The following CAMTA1 variants were observed in gnomAD, a reference collection of about 807,000 sequenced individuals.
CAMTA1 encodes calmodulin-binding transcription activator 1.
A neutral mutation model predicts 170.9 loss-of-function variants in CAMTA1; 27 were observed. The observed-to-expected ratio is 0.16, with a 90% CI of 0.12 to 0.22. The LOEUF is 0.22. CAMTA1 is among the 10% of genes least tolerant of loss of function. CAMTA1 has a pLI of 1.00. For synonymous variants in CAMTA1, 833 were observed against 891.5 expected (o/e 0.93, Z 1.17); for missense variants, 1,619 against 2,217.2 (o/e 0.73, Z 5.42).
At chr1:7,504,236 C>T (rs1185087224) in intron 6 of CAMTA1, among the ~76,000 whole-genome samples, 1 of 152,192 alleles carries the variant, frequency 6.6e-6, no homozygotes, top group Admixed American at 6.5e-5. Flanking sequence ...CCCAGGAGGT[C>T]TCAGGTGACA....
chr1:6,878,199 G>A (rs180948665), intron 3 of CAMTA1, among the ~76,000 whole-genome samples: 116 of 152,320 alleles, frequency 7.6e-4, no homozygotes, highest in African/African-American at 2.7e-3. Flanking sequence ...AAGGGAATAG[G>A]TTGTCTTATA....
At chr1:7,625,085 T>C (rs779151810) in intron 6 of CAMTA1, among the ~76,000 whole-genome samples, 4 of 152,048 alleles carry the variant, frequency 2.6e-5, no homozygotes, top group Non-Finnish European at 4.4e-5. Flanking sequence ...ATGGAGGCCA[T>C]TGGGATCAGG....
intron 3 of CAMTA1, among the ~76,000 whole-genome samples, chr1:6,942,115 T>C (rs72638552): frequency 0.024 from 3,657 of 152,078 alleles, 66 homozygotes; most frequent in Middle Eastern, 0.038. Context: ...ACAAATGGTT[T>C]TCTGCACATT....
chr1:6,979,084 G>A (rs1008239343), intron 3 of CAMTA1, among the ~76,000 whole-genome samples: 1 of 152,218 alleles, frequency 6.6e-6, no homozygotes, highest in Non-Finnish European at 1.5e-5. Flanking sequence ...TGAGTTGTTG[G>A]TGTGGCTGGA....
At chr1:7,346,288 C>T (rs1030620548) in intron 5 of CAMTA1, among the ~76,000 whole-genome samples, 8 of 152,158 alleles carry the variant, frequency 5.3e-5, no homozygotes, top group African/African-American at 1.9e-4. Flanking sequence ...CCTCTCTGAT[C>T]CTCAGGTTAC....
chr1:7,031,387 T>C (rs1029589222), intron 3 of CAMTA1, among the ~76,000 whole-genome samples: 3 of 152,220 alleles, frequency 2.0e-5, no homozygotes, highest in Non-Finnish European at 4.4e-5. Flanking sequence ...TTTGTGATAT[T>C]AACATAGCCA....
At position 7,732,692 on chromosome 1, in the gene CAMTA1, T is replaced by C; in HGVS notation, c.3066+93T>C. The C allele has an allele frequency of 2.7e-6, 4 of 1,455,432 alleles. No homozygotes were observed. The highest frequency in any genetic ancestry group is 3.6e-6 in the Non-Finnish European group (4 of 1,097,640). The allele number at this position is 1,455,432 out of a possible 1,614,324, so 90.2% of individuals were successfully genotyped here. On this transcript the variant is annotated intron_variant, in intron 12 of 22. Coordinates refer to ENST00000303635, the MANE Select transcript of CAMTA1 (RefSeq NM_015215.4). This position sits in a 1 kb window ranked among gnomAD's most constrained non-coding sequence, Gnocchi z 4.1. ...GGATCACAGGCCTCTTCTCTGCTGC[T>C]GATGCGGTCCCTGTATTCAGGCAGA...
intron 4 of CAMTA1, among the ~76,000 whole-genome samples, chr1:7,111,885 C>CAAA (rs66460647): frequency 1.3e-5 from 1 of 75,664 alleles, no homozygotes; most frequent in East Asian, 4.7e-4. Flanking sequence ...ACTCCATCTC[C>CAAA]AAAAAAAAAA....
chr1:7,533,909 G>C (rs530333302), intron 6 of CAMTA1, among the ~76,000 whole-genome samples: 286 of 151,904 alleles, frequency 1.9e-3, no homozygotes, highest in African/African-American at 6.5e-3. Flanking sequence ...GCGAGACCTT[G>C]TCCCCCCAAA....
intron 5 of CAMTA1, among the ~76,000 whole-genome samples, chr1:7,314,340 C>T (rs145418081): frequency 2.4e-3 from 370 of 152,304 alleles, no homozygotes; most frequent in African/African-American, 8.5e-3. Context: ...AAGGCCACAG[C>T]TCCCAGTGTG....
At chr1:7,404,978 CTT>C (rs2090186321) in intron 5 of CAMTA1, among the ~76,000 whole-genome samples, 1 of 151,700 alleles carries the variant, frequency 6.6e-6, no homozygotes, top group Non-Finnish European at 1.5e-5. Context: ...ATAACAATGA[CTT>C]ATACAGTTGA....
intron 3 of CAMTA1, among the ~76,000 whole-genome samples, chr1:6,998,417 T>A (rs150361879): frequency 6.6e-6 from 1 of 152,340 alleles, no homozygotes; most frequent in Admixed American, 6.5e-5. Context: ...CCTGGAGCTC[T>A]GCGTGCTCTC....
At chr1:7,369,860 GGGC>G (rs1416077366) in intron 5 of CAMTA1, among the ~76,000 whole-genome samples, 1 of 152,184 alleles carries the variant, frequency 6.6e-6, no homozygotes, top group African/African-American at 2.4e-5. Flanking sequence ...TAGGAGCCCA[GGGC>G]ACAGCCCAGA....
intron 4 of CAMTA1, among the ~76,000 whole-genome samples, chr1:7,139,613 C>T (rs921245865): frequency 6.6e-6 from 1 of 152,104 alleles, no homozygotes. Context: ...TTTCCCTTTC[C>T]TCCTGTCTGT....
intron 4 of CAMTA1, among the ~76,000 whole-genome samples, chr1:7,229,339 G>A (rs1662266276): frequency 6.7e-6 from 1 of 149,110 alleles, no homozygotes; most frequent in South Asian, 2.2e-4. Context: ...AGTGTTGCAG[G>A]GCTGGACCAC....
At chr1:7,661,933 TG>T in intron 8 of CAMTA1, 67 bp downstream of exon 8, 2 of 1,523,938 alleles carry the variant, frequency 1.3e-6, no homozygotes, top group South Asian at 2.4e-5. Context: ...GCAGCCGTCA[TG>T]GCTGTCCTCT....
chr1:7,378,683 G>T (rs1030819605), intron 5 of CAMTA1, among the ~76,000 whole-genome samples: 5 of 152,052 alleles, frequency 3.3e-5, no homozygotes, highest in African/African-American at 9.7e-5. Flanking sequence ...AGTGGTGATG[G>T]TTACACAGCT....
chr1:6,983,350 C>T (rs1225267360), intron 3 of CAMTA1, among the ~76,000 whole-genome samples: 1 of 152,168 alleles, frequency 6.6e-6, no homozygotes, highest in Non-Finnish European at 1.5e-5. Context: ...TACTGGCTGC[C>T]TTTCAGCTCC....
At chr1:6,976,953 T>TCAC (rs1424874952) in intron 3 of CAMTA1, among the ~76,000 whole-genome samples, 10 of 152,194 alleles carry the variant, frequency 6.6e-5, no homozygotes, top group Admixed American at 1.3e-4. Flanking sequence ...TGCACATGAT[T>TCAC]TCTTGCCTGC....
Sources: gnomAD v4.1 joint callset for allele counts (sites outside exome capture counted in the v4.1 genomes callset) on GRCh38, gnomAD v4.1.1 for gene constraint, Gnocchi (gnomAD v3.1) non-coding constraint, MANE v1.5 for transcripts, NCBI Gene and HGNC (gene_info 2026-07-23, HGNC 2026-07-21) for gene names.